SEPTIN10: variants seen among roughly 807,000 people sequenced by gnomAD.
SEPTIN10 encodes septin 10.
SEPTIN10 carries 66 observed loss-of-function variants against 54.8 expected under a neutral mutation model. That is an observed-to-expected ratio of 1.21 (90% CI 0.99 to 1.48). SEPTIN10 has a LOEUF of 1.48. Among genes scored for constraint, SEPTIN10 ranks in the 40% most tolerant of loss-of-function variants. SEPTIN10 has a pLI of 0.00. For missense variants in SEPTIN10, 620 were observed against 545.6 expected (o/e 1.14, Z -1.36); for synonymous variants, 161 against 181.0 (o/e 0.89, Z 0.89).
At chr2:109,547,671 A>G (rs1304331081) in intron 9 of SEPTIN10, among the ~76,000 whole-genome samples, 1 of 152,168 alleles carries the variant, frequency 6.6e-6, no homozygotes, top group Non-Finnish European at 1.5e-5. Context: ...GGATCATAGA[A>G]GGCATATTTC....
At chr2:109,567,515 G>A (rs916231034) in intron 6 of SEPTIN10, among the ~76,000 whole-genome samples, 1 of 152,144 alleles carries the variant, frequency 6.6e-6, no homozygotes, top group Non-Finnish European at 1.5e-5. Flanking sequence ...GTAGGAAGGT[G>A]TCATCTTTCT....
intron 8 of SEPTIN10, among the ~76,000 whole-genome samples, chr2:109,557,632 T>C (rs767135743): frequency 6.6e-6 from 1 of 152,208 alleles, no homozygotes; most frequent in Non-Finnish European, 1.5e-5. Flanking sequence ...CTTCTGACAA[T>C]GTAAACTTAC....
In SEPTIN10 at chr2:109,564,534, A is replaced by T; in HGVS notation, c.860T>A (p.Val287Glu). 14 of 1,497,476 alleles carry T rather than the reference A, an allele frequency of 9.3e-6. No individual in the cohort carries two copies. The highest frequency in any genetic ancestry group is 9.9e-6 in the Non-Finnish European group (11 of 1,114,150). 92.8% of individuals were successfully genotyped at this position (1,497,476 alleles called of 1,614,324 possible). A position where few individuals can be genotyped will look rare whatever the true frequency, so the allele number is the denominator to read the frequency against. Residue 287 changes from valine (V) to glutamate (E), a missense_variant and splice_region_variant, in exon 8 of 11, where the codon GTG (valine) becomes GAG (glutamate). By Grantham distance (121) the Val-to-Glu change is moderately radical. Coordinates refer to ENST00000397712, the MANE Select transcript of SEPTIN10 (RefSeq NM_144710.5). The part of the protein sequence containing the change: ...ARQYPWGVVQ[V>E]ENENHCDFVK... Reference sequence around the variant, plus strand: ...AAAGTCACAGTGGTTTTCATTTTCCACTAGCCAAAAAAAAATAAGAAAAGA... The same window carrying T: ...AAAGTCACAGTGGTTTTCATTTTCCTCTAGCCAAAAAAAAATAAGAAAAGA...
intron 4 of SEPTIN10, among the ~76,000 whole-genome samples, chr2:109,579,303 C>A (rs6709945): frequency 0.13 from 20,465 of 151,870 alleles, 1,856 homozygotes; most frequent in African/African-American, 0.26. Flanking sequence ...TAGAAAACCC[C>A]AGGCACTGAT....
chr2:109,600,832 C>T (rs1174950555), intron 1 of SEPTIN10, among the ~76,000 whole-genome samples: 1 of 152,218 alleles, frequency 6.6e-6, no homozygotes, highest in African/African-American at 2.4e-5. Context: ...AAATCAGGGT[C>T]CCCACAACCC....
chr2:109,563,844 G>A (rs896798069), intron 8 of SEPTIN10, among the ~76,000 whole-genome samples: 1 of 152,136 alleles, frequency 6.6e-6, no homozygotes, highest in African/African-American at 2.4e-5. Context: ...CCTGAGGACT[G>A]GTATGGAGGC....
At chr2:109,575,133 T>C (rs1689377618) in intron 4 of SEPTIN10, among the ~76,000 whole-genome samples, 1 of 152,244 alleles carries the variant, frequency 6.6e-6, no homozygotes, top group South Asian at 2.1e-4. Context: ...TGAAATGGTA[T>C]TGAATTTACA....
intron 4 of SEPTIN10, among the ~76,000 whole-genome samples, chr2:109,582,078 ACACACACAC>A (rs1691298137): frequency 7.0e-5 from 1 of 14,216 alleles, no homozygotes; most frequent in Non-Finnish European, 1.5e-4. Context: ...TACAACAGAC[ACACACACAC>A]ACACACACAC....
chr2:109,576,873 A>C (rs141558948), intron 4 of SEPTIN10, among the ~76,000 whole-genome samples: 169 of 152,340 alleles, frequency 1.1e-3, no homozygotes, highest in African/African-American at 3.5e-3. Context: ...TATTTCATCA[A>C]AGTTTTCAAA....
intron 2 of SEPTIN10, among the ~76,000 whole-genome samples, chr2:109,587,288 G>A (rs1024960254): frequency 2.6e-5 from 4 of 151,984 alleles, no homozygotes; most frequent in Admixed American, 2.0e-4. Context: ...AATAATGGAA[G>A]ACAGATTTGT....
intron 1 of SEPTIN10, among the ~76,000 whole-genome samples, chr2:109,600,268 A>G (rs1696327245): frequency 6.6e-6 from 1 of 152,026 alleles, no homozygotes; most frequent in African/African-American, 2.4e-5. Flanking sequence ...CAGCACCCAC[A>G]TGTCCTGCTT....
intron 4 of SEPTIN10, among the ~76,000 whole-genome samples, 184 bp downstream of exon 4, chr2:109,584,942 G>A (rs1692125676): frequency 6.6e-6 from 1 of 152,004 alleles, no homozygotes; most frequent in Non-Finnish European, 1.5e-5. Flanking sequence ...TAGACAAATG[G>A]CTAGAAAAAT....
intron 1 of SEPTIN10, among the ~76,000 whole-genome samples, chr2:109,602,785 C>T (rs1209359975): frequency 6.7e-6 from 1 of 149,576 alleles, no homozygotes; most frequent in Non-Finnish European, 1.5e-5. Flanking sequence ...TTTGAGAAGT[C>T]ATTTATTTAG....
In SEPTIN10 at chr2:109,578,719, A is replaced by ATTGT. The variant is rs1690368732; in HGVS notation, c.414-3956_414-3953dup. Among the ~76,000 whole-genome samples the ATTGT allele has an allele frequency of 2.6e-5, 4 of 152,172 alleles. No individual in the cohort carries two copies. The South Asian group carries it at 8.3e-4, about 32-fold the overall frequency. On this transcript the variant is annotated intron_variant, in intron 4 of 10. Coordinates refer to ENST00000397712, the MANE Select transcript of SEPTIN10 (RefSeq NM_144710.5). ...GAGGCGGTGGTTACAGTGAACCGAGATTGTGCCACTGCACTCTAGCCTGGC... is the reference window on the plus strand; with the variant it reads ...GAGGCGGTGGTTACAGTGAACCGAGATTGTTTGTGCCACTGCACTCTAGCCTGGC...
intron 10 of SEPTIN10, 80 bp downstream of exon 10, chr2:109,545,970 T>A (rs1211052718): frequency 1.5e-5 from 23 of 1,493,588 alleles, no homozygotes; most frequent in Middle Eastern, 5.1e-4. Flanking sequence ...GAAGCAGAAG[T>A]AAGAAGCGCT....
chr2:109,565,642 C>T, intron 7 of SEPTIN10, 121 bp downstream of exon 7: 1 of 864,388 alleles, frequency 1.2e-6, no homozygotes, highest in East Asian at 2.4e-5. Flanking sequence ...AAATAGTACA[C>T]AGCCAATTCC....
At chr2:109,577,271 T>C (rs1689898808) in intron 4 of SEPTIN10, among the ~76,000 whole-genome samples, 1 of 152,172 alleles carries the variant, frequency 6.6e-6, no homozygotes, top group Non-Finnish European at 1.5e-5. Context: ...AAACATATAC[T>C]GGCCATATAA....
At chr2:109,549,732 G>A (rs538363184) in intron 9 of SEPTIN10, among the ~76,000 whole-genome samples, 48 of 152,238 alleles carry the variant, frequency 3.2e-4, no homozygotes, top group African/African-American at 1.1e-3. Context: ...CATACCCTAT[G>A]TTTTTTCCTA....
intron 3 of SEPTIN10, 107 bp from the exon 4 acceptor site, chr2:109,585,428 G>A: frequency 1.1e-6 from 1 of 937,810 alleles, no homozygotes; most frequent in Non-Finnish European, 1.6e-6. Flanking sequence ...TCAAAGGCCA[G>A]GGTGCGCATG....
Sources: allele counts gnomAD v4.1 joint callset (sites outside exome capture counted in the v4.1 genomes callset), GRCh38; gene constraint gnomAD v4.1.1; transcripts MANE v1.5; gene names NCBI Gene and HGNC (gene_info 2026-07-23, HGNC 2026-07-21).